RGSL1: variants seen among roughly 807,000 people sequenced by gnomAD.
RGSL1 encodes the protein regulator of G protein signaling protein-like.
Under a neutral mutation model 124.7 loss-of-function variants are expected in RGSL1, and 97 were observed. The observed-to-expected ratio is 0.78, with a 90% CI of 0.66 to 0.92. The LOEUF (loss-of-function observed/expected upper bound fraction) is 0.92. Ranked by LOEUF, RGSL1 falls within the 40% of genes least tolerant of loss-of-function variation. The pLI is 0.00. For missense variants in RGSL1, 1,233 were observed against 1,288.4 expected, an observed-to-expected ratio of 0.96 and a Z score of 0.66; for synonymous variants, 424 against 438.1, an observed-to-expected ratio of 0.97 and a Z score of 0.40.
chr1:182,490,004 A>G (rs947927635), intron 8 of RGSL1, among the ~76,000 whole-genome samples: 15 of 152,322 alleles, frequency 9.8e-5, no homozygotes, highest in African/African-American at 3.6e-4. Flanking sequence ...GTTTGACTTC[A>G]TAATTCCTTA....
At chr1:182,466,129 A>C (rs899475285) in intron 4 of RGSL1, among the ~76,000 whole-genome samples, 1 of 152,180 alleles carries the variant, frequency 6.6e-6, no homozygotes, top group African/African-American at 2.4e-5. Context: ...TCATGAAAAA[A>C]AAATGTCCAA....
chr1:182,550,741 A>C, intron 17 of RGSL1: 1 of 202,010 alleles, frequency 5.0e-6, no homozygotes. Flanking sequence ...CTCTGGCCAT[A>C]CCAGGTGGGG....
intron 9 of RGSL1, among the ~76,000 whole-genome samples, chr1:182,503,919 C>A (rs981160914): frequency 6.8e-6 from 1 of 147,832 alleles, no homozygotes; most frequent in Non-Finnish European, 1.5e-5. Flanking sequence ...TTTTAAAAAA[C>A]AAAGTTATCA....
intron 15 of RGSL1, among the ~76,000 whole-genome samples, chr1:182,542,791 T>C (rs565014326): frequency 2.0e-5 from 3 of 152,260 alleles, no homozygotes; most frequent in Admixed American, 2.0e-4. Context: ...AGTTAATTCC[T>C]AGGTATTTTA....
At chr1:182,490,102 C>G (rs1471620370) in intron 8 of RGSL1, among the ~76,000 whole-genome samples, 1 of 152,104 alleles carries the variant, frequency 6.6e-6, no homozygotes, top group African/African-American at 2.4e-5. Context: ...ATGCTGTACT[C>G]CAGCATTCTT....
intron 10 of RGSL1, among the ~76,000 whole-genome samples, chr1:182,525,161 G>A (rs188390063): frequency 6.6e-6 from 1 of 152,248 alleles, no homozygotes; most frequent in East Asian, 1.9e-4. Context: ...GATGAGGGAT[G>A]GGGTGTAAAT....
rs1206146860 is a variant in RGSL1 at position 182,454,363 on chromosome 1, C to A, written c.96+323C>A. Among the ~76,000 whole-genome samples the A allele has an allele frequency of 3.9e-5, 6 of 152,166 alleles. 1 individual carries two copies. Among genetic ancestry groups the A allele is most frequent in the Admixed American group, 3.9e-4 (6 of 15,272 alleles). On this transcript the variant is annotated intron_variant, in intron 2 of 21. Transcript: ENST00000294854. ...GACAGAGGTCTACCCTCACTGGGTA[C>A]CCCTGGCATTCCCCCACCTCTGAAC... is the stretch of plus-strand genomic sequence containing the variant.
intron 13 of RGSL1, 80 bp downstream of exon 13, chr1:182,530,990 T>C: frequency 6.9e-7 from 1 of 1,457,920 alleles, no homozygotes; most frequent in Non-Finnish European, 9.2e-7. Flanking sequence ...AATCCCCATT[T>C]TGCAAAGGAA....
intron 17 of RGSL1, chr1:182,550,694 A>C: frequency 6.0e-6 from 1 of 167,092 alleles, no homozygotes; most frequent in Non-Finnish European, 1.3e-5. Flanking sequence ...GCAGGGTGGA[A>C]ACTAGGATTA....
chr1:182,554,698 G>T lies in RGSL1; in HGVS notation c.3197+5G>T, dbSNP rs1308035170. On this transcript the variant is annotated splice_donor_5th_base_variant and intron_variant, in intron 20 of 21. Coordinates refer to ENST00000294854, the MANE Select transcript of RGSL1 (RefSeq NM_001137669.2). ...GCAGCTGCATCCCGTCCAGGGGTAG[G>T]CATGAGCTGGAAATCCTCTTCTTCA... 1 of 1,551,408 alleles carries T rather than the reference G, an allele frequency of 6.4e-7. No homozygotes were observed. The highest frequency in any genetic ancestry group is 2.4e-5 in the East Asian group (1 of 40,934).
At chr1:182,531,393 G>GA (rs1441842286) in intron 13 of RGSL1, among the ~76,000 whole-genome samples, 1 of 151,940 alleles carries the variant, frequency 6.6e-6, no homozygotes, top group African/African-American at 2.4e-5. Context: ...TGGGAGAACA[G>GA]AAAAAAGGAA....
chr1:182,538,484 T>C (rs57122373), intron 14 of RGSL1, among the ~76,000 whole-genome samples: 3,052 of 151,518 alleles, frequency 0.02, 91 homozygotes, highest in African/African-American at 0.067. Context: ...GCTGAGATCG[T>C]GCCACTGCAC....
At chr1:182,474,567 G>A in intron 6 of RGSL1, 25 bp downstream of exon 6, 1 of 1,511,140 alleles carries the variant, frequency 6.6e-7, no homozygotes, top group Non-Finnish European at 8.9e-7. Flanking sequence ...ACAGAAATAA[G>A]TTATATCTGG....
Position 182,472,450 on chromosome 1 carries a change from A to G in RGSL1, c.356A>G (p.Glu119Gly). ...GCTGAGAACATCCTGAGCATAGATG[A>G]GATGGACCTGGAAGTGAGAGACTAC... ...ILAENILSID[E>G]MDLEVRDYYL... The change falls in exon 5 of 22, where the codon GAG (glutamate) becomes GGG (glycine). Residue 119 changes from glutamate (E) to glycine (G), a missense_variant. By Grantham distance (98) the Glu-to-Gly change is moderately conservative. Transcript: ENST00000294854. 6.4e-7 allele frequency: 1 copy of G among 1,551,166 alleles called. No homozygotes were observed. Among genetic ancestry groups the G allele is most frequent in the South Asian group, 1.2e-5 (1 of 83,930 alleles).
At chr1:182,477,513 C>T (rs1654386515) in intron 6 of RGSL1, among the ~76,000 whole-genome samples, 1 of 152,194 alleles carries the variant, frequency 6.6e-6, no homozygotes, top group Non-Finnish European at 1.5e-5. Flanking sequence ...GTCCTGATGA[C>T]AGACTCTGAG....
At chr1:182,546,367 A>C (rs1167005525) in intron 15 of RGSL1, among the ~76,000 whole-genome samples, 1 of 151,458 alleles carries the variant, frequency 6.6e-6, no homozygotes, top group African/African-American at 2.4e-5. Flanking sequence ...TTTATGTTTT[A>C]AACTGCCTGG....
intron 14 of RGSL1, among the ~76,000 whole-genome samples, chr1:182,536,938 C>T (rs930387599): frequency 2.0e-5 from 3 of 152,170 alleles, no homozygotes; most frequent in Non-Finnish European, 2.9e-5. Context: ...ATTTGCCATA[C>T]ATACAGTGCG....
At chr1:182,459,901 G>T in intron 3 of RGSL1, 103 bp from the exon 4 acceptor site, 1 of 1,373,106 alleles carries the variant, frequency 7.3e-7, no homozygotes, top group South Asian at 1.5e-5. Flanking sequence ...CTTCTGGCCA[G>T]ACACTGCAAG....
intron 4 of RGSL1, among the ~76,000 whole-genome samples, chr1:182,469,546 C>A (rs1294584200): frequency 6.6e-6 from 1 of 152,112 alleles, no homozygotes; most frequent in Non-Finnish European, 1.5e-5. Context: ...AACTCTTTTG[C>A]ATTTGTTGGC....
Sources: gnomAD v4.1 joint callset for allele counts (sites outside exome capture counted in the v4.1 genomes callset) on GRCh38, gnomAD v4.1.1 for gene constraint, MANE v1.5 for transcripts, NCBI Gene and HGNC (gene_info 2026-07-23, HGNC 2026-07-21) for gene names.